The following TRDN variants were observed in gnomAD, a reference collection of about 807,000 sequenced individuals.
TRDN encodes triadin.
Under a neutral mutation model 149.7 loss-of-function variants are expected in TRDN, and 161 were observed. The ratio of observed to expected loss-of-function variants is 1.08; its 90% CI spans 0.95 to 1.23. The LOEUF (loss-of-function observed/expected upper bound fraction) is 1.23. TRDN is among the 50% of genes most tolerant of loss of function. TRDN has a pLI of 0.00. For synonymous variants in TRDN, 294 were observed against 250.5 expected (o/e 1.17, Z -1.64); for missense variants, 896 against 823.5 (o/e 1.09, Z -1.08).
chr6:123,473,504 A>G (rs1383655119), intron 9 of TRDN, among the ~76,000 whole-genome samples: 1 of 152,242 alleles, frequency 6.6e-6, no homozygotes, highest in Admixed American at 6.5e-5. Context: ...AATGGAACCA[A>G]GTTGGAAAAC....
chr6:123,332,232 C>T (rs140497600), intron 22 of TRDN, among the ~76,000 whole-genome samples: 4 of 152,038 alleles, frequency 2.6e-5, no homozygotes, highest in Non-Finnish European at 4.4e-5. Context: ...TTTTAAAAAT[C>T]GCATGACTTC....
intron 1 of TRDN, among the ~76,000 whole-genome samples, chr6:123,580,968 G>A (rs865804421): frequency 3.9e-5 from 6 of 152,060 alleles, no homozygotes; most frequent in Non-Finnish European, 7.4e-5. Context: ...ACAGGGTCTC[G>A]CTGTATTGCC....
intron 23 of TRDN, among the ~76,000 whole-genome samples, chr6:123,326,965 T>C (rs1779480497): frequency 6.6e-6 from 1 of 152,104 alleles, no homozygotes; most frequent in African/African-American, 2.4e-5. Context: ...GCTCTCTTTG[T>C]GTCTTAAGAA....
chr6:123,312,470 T>C (rs1181010268), intron 24 of TRDN, among the ~76,000 whole-genome samples: 1 of 151,970 alleles, frequency 6.6e-6, no homozygotes, highest in African/African-American at 2.4e-5. Context: ...TGTTCTCTAG[T>C]TCACTTTGTT....
At chr6:123,359,209 G>A (rs1210409456) in intron 20 of TRDN, among the ~76,000 whole-genome samples, 1 of 152,252 alleles carries the variant, frequency 6.6e-6, no homozygotes, top group African/African-American at 2.4e-5. Flanking sequence ...TGTTCACAAG[G>A]CTATCACTTC....
At chr6:123,546,379 C>T (rs1390905634) in intron 4 of TRDN, among the ~76,000 whole-genome samples, 1 of 151,980 alleles carries the variant, frequency 6.6e-6, no homozygotes, top group Non-Finnish European at 1.5e-5. Flanking sequence ...GTGGATTTTA[C>T]CCCAGATAGT....
chr6:123,583,975 T>G (rs9490813), intron 1 of TRDN: 18,539 of 229,500 alleles, frequency 0.081, 883 homozygotes, highest in African/African-American at 0.13. Context: ...AGAGGCGGGA[T>G]AGTGGCTTGT....
intron 12 of TRDN, among the ~76,000 whole-genome samples, chr6:123,430,889 C>A (rs1328891235): frequency 1.3e-5 from 2 of 152,094 alleles, no homozygotes; most frequent in African/African-American, 4.8e-5. Flanking sequence ...CTCAGATATT[C>A]CCACAATAAG....
At chr6:123,235,958 C>T (rs1317333245) in intron 38 of TRDN, among the ~76,000 whole-genome samples, 1 of 152,152 alleles carries the variant, frequency 6.6e-6, no homozygotes. Context: ...TGGGTTATTT[C>T]CAGATTTGGC....
intron 20 of TRDN, among the ~76,000 whole-genome samples, chr6:123,360,936 AAGAT>A (rs972307433): frequency 1.3e-5 from 2 of 152,222 alleles, no homozygotes; most frequent in Non-Finnish European, 2.9e-5. Flanking sequence ...CTGAGATTAA[AAGAT>A]AGATGGATAT....
At chr6:123,339,773 T>C (rs1384133076) in intron 21 of TRDN, among the ~76,000 whole-genome samples, 1 of 152,168 alleles carries the variant, frequency 6.6e-6, no homozygotes, top group Non-Finnish European at 1.5e-5. Context: ...ACACTAAGAC[T>C]AGTGTTCTCA....
At chr6:123,375,928 A>AT (rs1194682721) in intron 18 of TRDN, among the ~76,000 whole-genome samples, 2 of 152,102 alleles carry the variant, frequency 1.3e-5, no homozygotes, top group African/African-American at 4.8e-5. Context: ...CAAGGATCTC[A>AT]TTTTTTTATA....
chr6:123,563,365 C>T (rs966532079), intron 2 of TRDN, among the ~76,000 whole-genome samples: 2 of 152,160 alleles, frequency 1.3e-5, no homozygotes, highest in Non-Finnish European at 2.9e-5. Flanking sequence ...TAAAAAACTA[C>T]TTCTGGCTTC....
intron 9 of TRDN, among the ~76,000 whole-genome samples, chr6:123,487,620 T>C (rs2114786751): frequency 6.6e-6 from 1 of 152,214 alleles, no homozygotes; most frequent in East Asian, 1.9e-4. Context: ...ATATCACCTC[T>C]TTCTGATTGA....
chr6:123,231,995 C>T (rs978543940), intron 38 of TRDN, among the ~76,000 whole-genome samples: 24 of 151,798 alleles, frequency 1.6e-4, no homozygotes, highest in South Asian at 6.3e-4. Context: ...AGACAAAGGG[C>T]GAAGTTAGGA....
At chr6:123,454,254 CACCTGT>C (rs1775970722) in intron 10 of TRDN, among the ~76,000 whole-genome samples, 1 of 152,040 alleles carries the variant, frequency 6.6e-6, no homozygotes, top group Non-Finnish European at 1.5e-5. Context: ...AACCAAATAC[CACCTGT>C]ACTCAATAAC....
intron 1 of TRDN, among the ~76,000 whole-genome samples, chr6:123,603,272 G>C (rs916152315): frequency 7.2e-6 from 1 of 139,502 alleles, no homozygotes; most frequent in African/African-American, 2.6e-5. Flanking sequence ...GTCAACACTT[G>C]ATTTTTATCT....
At chr6:123,403,696 G>A (rs912901412) in intron 12 of TRDN, among the ~76,000 whole-genome samples, 6 of 152,142 alleles carry the variant, frequency 3.9e-5, no homozygotes, top group East Asian at 3.8e-4. Context: ...TAGAAGGACA[G>A]TACTCTGATC....
At chr6:123,554,376 G>T (rs1781544597) in intron 2 of TRDN, among the ~76,000 whole-genome samples, 1 of 151,918 alleles carries the variant, frequency 6.6e-6, no homozygotes. Flanking sequence ...TTGATATCTA[G>T]GTGGTTCTAA....
Sources: allele counts gnomAD v4.1 joint callset (sites outside exome capture counted in the v4.1 genomes callset), GRCh38; gene constraint gnomAD v4.1.1; transcripts MANE v1.5; gene names NCBI Gene and HGNC (gene_info 2026-07-23, HGNC 2026-07-21).